Variants in ADCK5 observed in about 807,000 individuals in gnomAD.
ADCK5 encodes aarF domain containing kinase 5, also known as uncharacterized aarF domain-containing protein kinase 5.
In ADCK5, 43 loss-of-function variants were observed where a neutral mutation model predicts 64.9. That is an observed-to-expected ratio of 0.66 (90% CI 0.52 to 0.85). The LOEUF (loss-of-function observed/expected upper bound fraction) is 0.85, where lower values mean the gene tolerates loss of function less well. Among genes scored for constraint, ADCK5 ranks in the 40% least tolerant of loss-of-function variants. The probability of loss-of-function intolerance (pLI) is 0.00; values close to 1 mark genes in which losing one functional copy is unlikely to be tolerated. For synonymous variants in ADCK5, 434 were observed against 342.8 expected, an observed-to-expected ratio of 1.27 and a Z score of -2.94; for missense variants, 760 against 810.5, an observed-to-expected ratio of 0.94 and a Z score of 0.76.
upstream of ADCK5, chr8:144,373,974 A>C (rs1367084317): frequency 8.8e-6 from 10 of 1,132,064 alleles, no homozygotes; most frequent in Non-Finnish European, 1.1e-5. Context: ...AGCCTCGCCC[A>C]CCGCCCACGG....
Position 144,392,776 on chromosome 8 carries a change from G to T in ADCK5, c.1521G>T (p.Arg507Ser). 1 of 1,592,328 alleles carries T rather than the reference G, an allele frequency of 6.3e-7. No homozygotes were observed. The highest frequency in any genetic ancestry group is 8.5e-7 in the Non-Finnish European group (1 of 1,173,482). ...PVDRYFLMAKRAVRGWSRLAG... is the reference protein window; with the variant it reads ...PVDRYFLMAKSAVRGWSRLAG... ...GCGGCGCTAACGCGGGTGTGTGCAG[G>T]GCTGTCCGGGGCTGGAGCCGCCTGG... Residue 507 changes from arginine to serine, a missense_variant and splice_region_variant, in exon 14 of 15, where the codon AGG becomes AGT. Physicochemically the swap from Arg to Ser is moderately radical, Grantham distance 110. Around this residue, in one of 2 missense-constraint regions of ADCK5, gnomAD observed 333 missense variants for 292.0 expected, o/e 1.14. Coordinates refer to ENST00000308860, the MANE Select transcript of ADCK5 (RefSeq NM_174922.5).
In ADCK5 at chr8:144,383,214, A is replaced by G; in HGVS notation, c.250A>G (p.Met84Val). Residue 84 changes from methionine to valine, a missense_variant, in exon 3 of 15, where the codon ATG becomes GTG. This residue lies in a region of ADCK5 where 427 missense variants were observed against 518.4 expected (regional missense o/e 0.82). Coordinates refer to ENST00000308860, the MANE Select transcript of ADCK5 (RefSeq NM_174922.5). ...KRRMRLVVDGMGRFGRSLKVG... is the reference protein window; with the variant it reads ...KRRMRLVVDGVGRFGRSLKVG... Reference sequence around the variant, plus strand: ...GAGGATGCGGCTCGTGGTGGATGGCATGGGGCGCTTTGGCAGGTAGGAGGG... The same window carrying G: ...GAGGATGCGGCTCGTGGTGGATGGCGTGGGGCGCTTTGGCAGGTAGGAGGG... 6.3e-7 allele frequency: 1 copy of G among 1,585,514 alleles called. No individual in the cohort carries two copies. The highest frequency in any genetic ancestry group is 8.6e-7 in the Non-Finnish European group (1 of 1,165,060).
At chr8:144,379,316 T>A (rs1477277824) in intron 1 of ADCK5, 71 bp from the exon 2 acceptor site, 10 of 1,178,352 alleles carry the variant, frequency 8.5e-6, no homozygotes, top group Non-Finnish European at 1.2e-5. Context: ...CACATGTAAG[T>A]GCTGGTACTG....
intron 2 of ADCK5, among the ~76,000 whole-genome samples, 176 bp downstream of exon 2, chr8:144,379,666 C>A (rs548332299): frequency 6.6e-6 from 1 of 152,208 alleles, no homozygotes; most frequent in South Asian, 2.1e-4. Context: ...CCCCAGGGAC[C>A]CATGGGACCG....
chr8:144,375,708 G>T (rs782421297), intron 1 of ADCK5: 3 of 962,528 alleles, frequency 3.1e-6, no homozygotes, highest in Middle Eastern at 5.4e-4. Flanking sequence ...ACTCTGGAAC[G>T]GGAGGTGTTT....
Position 144,383,040 on chromosome 8 carries a change from T to C in ADCK5, c.117-41T>C, listed in dbSNP as rs555090148. ...GGGCAGAGATCAGAGCCCAGCTGAA[T>C]GTGGGGGGCGGCGCCTCCAGGCTGC... On this transcript the variant is annotated intron_variant, in intron 2 of 14. Transcript: ENST00000308860. 1.5e-4 allele frequency: 235 copies of C among 1,566,876 alleles called. 2 individuals are homozygous for C. In the Admixed American group the frequency reaches 1.7e-3, roughly 11 times the overall value.
chr8:144,383,347 A>C lies in ADCK5; in HGVS notation c.266+117A>C, dbSNP rs1819765934. Reference sequence around the variant, plus strand: ...AGGGGCGTGAGCCTGGGAGGCCTGCAGAGCTTGCTGAGGATTTTACAGCTG... The same window carrying C: ...AGGGGCGTGAGCCTGGGAGGCCTGCCGAGCTTGCTGAGGATTTTACAGCTG... On this transcript the variant is annotated intron_variant, in intron 3 of 14. Coordinates refer to ENST00000308860, the MANE Select transcript of ADCK5 (RefSeq NM_174922.5). 10 of 1,375,398 alleles carry C rather than the reference A, an allele frequency of 7.3e-6. No homozygotes were observed. In the South Asian group the frequency reaches 1.5e-4, roughly 21 times the overall value. 85.2% of individuals were successfully genotyped at this position (1,375,398 alleles called of 1,614,324 possible).
chr8:144,381,529 G>T lies in ADCK5; in HGVS notation c.117-1552G>T, dbSNP rs1466059792. ...GCCCCTGCTGCACTCAGGATTATGGGCCAGGTGTAGAAACAGATGTGTGCT... is the reference window on the plus strand; with the variant it reads ...GCCCCTGCTGCACTCAGGATTATGGTCCAGGTGTAGAAACAGATGTGTGCT... On this transcript the variant is annotated intron_variant, in intron 2 of 14. Coordinates refer to ENST00000308860, the MANE Select transcript of ADCK5 (RefSeq NM_174922.5). Among the ~76,000 whole-genome samples the T allele has an allele frequency of 3.5e-5, 5 of 144,286 alleles. No homozygotes were observed. In the East Asian group the frequency reaches 1.1e-3, roughly 30 times the overall value. 94.7% of individuals were successfully genotyped at this position (144,286 alleles called of 152,430 possible).
chr8:144,389,801 A>T (rs1554860010), intron 3 of ADCK5, among the ~76,000 whole-genome samples: 5 of 148,860 alleles, frequency 3.4e-5, no homozygotes, highest in Non-Finnish European at 7.4e-5. Flanking sequence ...AAGTGCTGGG[A>T]TCATAGGTGT....
Position 144,390,625 on chromosome 8 carries a change from G to A in ADCK5, c.267-46G>A, listed in dbSNP as rs372634320. The A allele has an allele frequency of 1.9e-4, 300 of 1,595,504 alleles. 2 individuals carry two copies. The highest frequency in any genetic ancestry group is 4.3e-5 in the Non-Finnish European group (50 of 1,170,202). ...TCTGACAAGAGGACCAAGCACCGGG[G>A]CCCCGAGCCTGCCCCGCTGGAGACT... On this transcript the variant is annotated intron_variant, in intron 3 of 14. Coordinates refer to ENST00000308860, the MANE Select transcript of ADCK5 (RefSeq NM_174922.5).
chr8:144,391,251 G>A lies in ADCK5; in HGVS notation c.661G>A (p.Asp221Asn), dbSNP rs782698813. The A allele has an allele frequency of 2.5e-6, 4 of 1,612,320 alleles. No homozygotes were observed. The highest frequency in any genetic ancestry group is 2.2e-5 in the East Asian group (1 of 44,904). ...LAQVHRAKLH[D>N]GTSVAVKVQY... ...ACAGGTGCACAGAGCCAAGCTGCACGATGGCACCAGCGTGGCTGTGAAGGT... is the reference window on the plus strand; with the variant it reads ...ACAGGTGCACAGAGCCAAGCTGCACAATGGCACCAGCGTGGCTGTGAAGGT... Residue 221 changes from aspartate to asparagine, a missense_variant, in exon 6 of 15, where the codon GAT becomes AAT. Asp to Asn is a conservative substitution (Grantham distance 23). Around this residue, in one of 2 missense-constraint regions of ADCK5, gnomAD observed 427 missense variants for 518.4 expected, o/e 0.82. Transcript: ENST00000308860.
intron 1 of ADCK5, chr8:144,377,311 G>A (rs1819404206): frequency 1.3e-5 from 2 of 152,088 alleles, no homozygotes; most frequent in Non-Finnish European, 2.9e-5. Flanking sequence ...AATAAAGCAG[G>A]GCCATGTGTC....
chr8:144,387,785 G>C (rs1819988832), intron 3 of ADCK5, among the ~76,000 whole-genome samples: 1 of 149,950 alleles, frequency 6.7e-6, no homozygotes, highest in Non-Finnish European at 1.5e-5. Context: ...AGGCTGGAGT[G>C]CAATGGTGGG....
In ADCK5 at chr8:144,391,424, C is replaced by A. The variant is rs1554860530; in HGVS notation, c.748C>A (p.Arg250=). The A allele has an allele frequency of 1.2e-6, 2 of 1,612,650 alleles. No homozygotes were observed. Among genetic ancestry groups the A allele is most frequent in the South Asian group, 2.2e-5 (2 of 91,058 alleles). The change falls in exon 7 of 15, where the codon CGG becomes AGG. Residue 250 remains arginine (R), a synonymous_variant. Coordinates refer to ENST00000308860, the MANE Select transcript of ADCK5 (RefSeq NM_174922.5). ...GDIHTLELLL[R]LVEVMHPSFG... is the part of the protein sequence containing the mutation. ...CATCCACACCCTGGAGCTCCTGCTGCGGCTCGTTGAGGTCATGCACCCCAG... is the reference window on the plus strand; with the variant it reads ...CATCCACACCCTGGAGCTCCTGCTGAGGCTCGTTGAGGTCATGCACCCCAG...
At chr8:144,374,891 G>C (rs1410545253) in intron 1 of ADCK5, among the ~76,000 whole-genome samples, 1 of 151,944 alleles carries the variant, frequency 6.6e-6, no homozygotes, top group Non-Finnish European at 1.5e-5. Context: ...TTAGGACTGC[G>C]GGGGGGCGGG....
intron 2 of ADCK5, among the ~76,000 whole-genome samples, chr8:144,382,642 T>A (rs1819729284): frequency 2.0e-5 from 3 of 152,260 alleles, no homozygotes; most frequent in African/African-American, 7.2e-5. Context: ...GTCATGCGAC[T>A]CAGCACGTGC....
At chr8:144,379,246 A>T in intron 1 of ADCK5, 141 bp from the exon 2 acceptor site, 1 of 531,914 alleles carries the variant, frequency 1.9e-6, no homozygotes, top group Non-Finnish European at 3.2e-6. Flanking sequence ...GTAGTTCTTT[A>T]GAGCAGTGTG....
In ADCK5 at chr8:144,384,061, T is replaced by C. The variant is rs1318920666; in HGVS notation, c.266+831T>C. ...TGCCCACCACCATGCCTGGCTAAAT[T>C]ATTTATTTATTTATTTATTTATTTA... On this transcript the variant is annotated intron_variant, in intron 3 of 14. Transcript: ENST00000308860. The surrounding 1 kb of genome is among the most constrained non-coding windows in gnomAD (Gnocchi z 5.7). Among the ~76,000 whole-genome samples the C allele has an allele frequency of 6.6e-6, 1 of 150,510 alleles. No homozygotes were observed. The highest frequency in any genetic ancestry group is 1.5e-5 in the Non-Finnish European group (1 of 67,794).
rs539626597 is a variant in ADCK5, at chr8:144,376,249, G to A, written c.12+2142G>A. Among the ~76,000 whole-genome samples, 214 of 152,316 alleles carry A rather than the reference G, an allele frequency of 1.4e-3. 1 individual carries two copies. Among genetic ancestry groups the A allele is most frequent in the African/African-American group, 5.0e-3 (209 of 41,572 alleles). Reference sequence around the variant, plus strand: ...GCTTCACAGCTGTTGGTCTCATTCGGCAGGCATTCATTGAGTGCCTGCTTG... The same window carrying A: ...GCTTCACAGCTGTTGGTCTCATTCGACAGGCATTCATTGAGTGCCTGCTTG... On this transcript the variant is annotated intron_variant, in intron 1 of 14. Coordinates refer to ENST00000308860, the MANE Select transcript of ADCK5 (RefSeq NM_174922.5). The surrounding 1 kb of genome is among the most constrained non-coding windows in gnomAD (Gnocchi z 5.1).
Sources: gnomAD v4.1 joint callset for allele counts (sites outside exome capture counted in the v4.1 genomes callset) on GRCh38, gnomAD v4.1.1 for gene constraint, gnomAD v4.1.1 regional missense constraint, Gnocchi (gnomAD v3.1) non-coding constraint, MANE v1.5 for transcripts, NCBI Gene and HGNC (gene_info 2026-07-23, HGNC 2026-07-21) for gene names.